Variants in DLGAP2 observed in about 807,000 individuals in gnomAD.
The protein encoded by DLGAP2 is disks large-associated protein 2.
In DLGAP2, 26 loss-of-function variants were observed where a neutral mutation model predicts 100.3. The observed-to-expected ratio is 0.26, with a 90% confidence interval of 0.19 to 0.36. The LOEUF (loss-of-function observed/expected upper bound fraction) is 0.36, where lower values mean the gene tolerates loss of function less well. Ranked by LOEUF, DLGAP2 falls within the 10% of genes least tolerant of loss-of-function variation. The probability of loss-of-function intolerance (pLI) is 1.00; values close to 1 mark genes in which losing one functional copy is unlikely to be tolerated. For missense variants in DLGAP2, 1,858 were observed against 1,453.2 expected (o/e 1.28, Z -4.53); for synonymous variants, 886 against 630.1 (o/e 1.41, Z -6.08).
In DLGAP2 at chr8:1,701,227, C is replaced by T; in HGVS notation, c.2989C>T (p.Pro997Ser). ...KVPPPIPKKPPKGKFPITREK... is the reference protein window; with the variant it reads ...KVPPPIPKKPSKGKFPITREK... ...CCCGCCTCCAATACCAAAGAAGCCT[C>T]CCAAGGGGAAGTTTCCCATCACAAG... The change falls in exon 15 of 15, where the codon CCC becomes TCC. Residue 997 changes from proline to serine, a missense_variant. Transcript: ENST00000637795. 1.3e-6 allele frequency: 2 copies of T among 1,576,484 alleles called. No homozygotes were observed. The highest frequency in any genetic ancestry group is 1.7e-6 in the Non-Finnish European group (2 of 1,161,662).
chr8:1,264,857 G>C (rs1408796573), intron 3 of DLGAP2, among the ~76,000 whole-genome samples: 1 of 152,136 alleles, frequency 6.6e-6, no homozygotes, highest in African/African-American at 2.4e-5. Flanking sequence ...TGAATCATGA[G>C]GGTGAGTCTT....
At chr8:1,540,516 C>G (rs1017432916) in intron 4 of DLGAP2, among the ~76,000 whole-genome samples, 2 of 152,204 alleles carry the variant, frequency 1.3e-5, no homozygotes, top group African/African-American at 2.4e-5. Flanking sequence ...TTCTGTAATT[C>G]TATGACCTCA....
chr8:872,683 T>C (rs1436302168), intron 1 of DLGAP2, among the ~76,000 whole-genome samples: 2 of 152,214 alleles, frequency 1.3e-5, no homozygotes, highest in Non-Finnish European at 2.9e-5. Flanking sequence ...TACCCCATAC[T>C]ACTCACCCAT....
At chr8:1,134,280 A>T (rs1028042018) in intron 2 of DLGAP2, among the ~76,000 whole-genome samples, 1 of 152,158 alleles carries the variant, frequency 6.6e-6, no homozygotes, top group South Asian at 2.1e-4. Flanking sequence ...TGCTCTTGTG[A>T]ATAGTGCTGC....
chr8:764,708 G>T (rs1004912115), intron 1 of DLGAP2, among the ~76,000 whole-genome samples: 1 of 152,174 alleles, frequency 6.6e-6, no homozygotes, highest in African/African-American at 2.4e-5. Flanking sequence ...CACACACCTT[G>T]TGGTTGTAGT....
intron 2 of DLGAP2, among the ~76,000 whole-genome samples, chr8:1,207,482 A>G (rs1798020853): frequency 6.6e-6 from 1 of 152,126 alleles, no homozygotes; most frequent in Non-Finnish European, 1.5e-5. Flanking sequence ...TCATTAGTTG[A>G]TAGGCATTTG....
intron 12 of DLGAP2, among the ~76,000 whole-genome samples, chr8:1,689,135 T>A (rs1026224751): frequency 6.6e-6 from 1 of 152,158 alleles, no homozygotes; most frequent in Non-Finnish European, 1.5e-5. Flanking sequence ...GAGGATTGGG[T>A]TCACTTCCCT....
At chr8:1,465,182 A>T (rs1306158796) in intron 3 of DLGAP2, among the ~76,000 whole-genome samples, 1 of 152,240 alleles carries the variant, frequency 6.6e-6, no homozygotes, top group Non-Finnish European at 1.5e-5. Flanking sequence ...AAGCTCCAGG[A>T]GCTTCTAACC....
intron 3 of DLGAP2, among the ~76,000 whole-genome samples, chr8:1,422,117 G>T (rs115493472): frequency 6.6e-6 from 1 of 152,222 alleles, no homozygotes; most frequent in Non-Finnish European, 1.5e-5. Context: ...CCTGGACAAG[G>T]TGTGTAGGAC....
rs566553435 is a variant in DLGAP2, at chr8:1,464,348, G to C, written c.107-37018G>C. On this transcript the variant is annotated intron_variant, in intron 3 of 14. Coordinates refer to ENST00000637795, the MANE Select transcript of DLGAP2 (RefSeq NM_001346810.2). The stretch of plus-strand genomic sequence containing the variant: ...TTCCAGGACGGCACCCTTCCAGGAC[G>C]GCACCCTTCCAGGACAACGCCCTTC... Among the ~76,000 whole-genome samples, 120 of 42,482 alleles carry C rather than the reference G, an allele frequency of 2.8e-3. 53 individuals carry two copies. Among genetic ancestry groups the C allele is most frequent in the East Asian group, 0.028 (11 of 392 alleles). The allele number at this position is 42,482 out of a possible 152,430, so 27.9% of individuals were successfully genotyped here.
At chr8:1,427,924 A>G (rs534956897) in intron 3 of DLGAP2, among the ~76,000 whole-genome samples, 124 of 152,314 alleles carry the variant, frequency 8.1e-4, no homozygotes, top group Admixed American at 9.8e-4. Flanking sequence ...GAATATTGTA[A>G]AATACTTGGA....
chr8:1,163,990 CAG>C (rs764675247), intron 2 of DLGAP2, among the ~76,000 whole-genome samples: 8 of 152,228 alleles, frequency 5.3e-5, no homozygotes, highest in Non-Finnish European at 8.8e-5. Context: ...CTCTAAGACT[CAG>C]TGTTCAGGGT....
At chr8:1,645,322 A>T (rs1181537630) in intron 8 of DLGAP2, among the ~76,000 whole-genome samples, 1 of 152,204 alleles carries the variant, frequency 6.6e-6, no homozygotes, top group East Asian at 1.9e-4. Context: ...CATGAATTCG[A>T]GGAGATAGTC....
intron 3 of DLGAP2, among the ~76,000 whole-genome samples, chr8:1,454,184 A>T (rs1302703193): frequency 1.3e-5 from 2 of 152,166 alleles, no homozygotes; most frequent in African/African-American, 4.8e-5. Context: ...ATGTGTGTGT[A>T]TGTCTGTGTG....
chr8:1,691,501 GT>G (rs1422004633), intron 12 of DLGAP2, 33 bp from the exon 13 acceptor site: 1 of 1,579,778 alleles, frequency 6.3e-7, no homozygotes, highest in African/African-American at 1.4e-5. Context: ...TTTTGAAGTT[GT>G]TGTTTTTTTG....
intron 2 of DLGAP2, among the ~76,000 whole-genome samples, chr8:1,256,575 G>T (rs887644152): frequency 6.7e-6 from 1 of 149,560 alleles, no homozygotes; most frequent in African/African-American, 2.5e-5. Flanking sequence ...CCCGGGTGCT[G>T]TGCGTGTGTA....
Position 1,302,827 on chromosome 8 carries a change from T to A in DLGAP2, c.106+43944T>A, listed in dbSNP as rs555390657. ...CCCCTCGCCCCAGGAGGCCCACGCCTGACGGCGCCGCTGGAGTCGATTCTT... is the reference window on the plus strand; with the variant it reads ...CCCCTCGCCCCAGGAGGCCCACGCCAGACGGCGCCGCTGGAGTCGATTCTT... On this transcript the variant is annotated intron_variant, in intron 3 of 14. Transcript: ENST00000637795. Among the ~76,000 whole-genome samples, 55 of 152,396 alleles carry A rather than the reference T, an allele frequency of 3.6e-4. No individual in the cohort carries two copies. In the Middle Eastern group the frequency reaches 0.02, roughly 57 times the overall value.
chr8:1,625,155 G>A (rs919611571), intron 6 of DLGAP2, among the ~76,000 whole-genome samples: 5 of 152,220 alleles, frequency 3.3e-5, no homozygotes, highest in African/African-American at 7.2e-5. Flanking sequence ...AGTCAGAATC[G>A]TCCACCTAAC....
intron 2 of DLGAP2, among the ~76,000 whole-genome samples, chr8:1,191,835 T>C (rs1325294745): frequency 2.0e-5 from 3 of 152,216 alleles, no homozygotes; most frequent in Admixed American, 1.3e-4. Flanking sequence ...GCCTTTAAGC[T>C]GATATTACGT....
Sources: gnomAD v4.1 joint callset for allele counts (sites outside exome capture counted in the v4.1 genomes callset) on GRCh38, gnomAD v4.1.1 for gene constraint, MANE v1.5 for transcripts, NCBI Gene and HGNC (gene_info 2026-07-23, HGNC 2026-07-21) for gene names.